RASEF: variants seen among roughly 807,000 people sequenced by gnomAD.
The protein encoded by RASEF is ras and EF-hand domain-containing protein.
RASEF carries 68 observed loss-of-function variants against 90.1 expected under a neutral mutation model. The observed-to-expected ratio is 0.75, with a 90% CI of 0.62 to 0.92. RASEF has a LOEUF of 0.92. Ranked by LOEUF, RASEF falls within the 40% of genes least tolerant of loss-of-function variation. The pLI, the probability that RASEF is intolerant of heterozygous loss-of-function variation, is 0.00. For synonymous variants in RASEF, 331 were observed against 345.2 expected, an observed-to-expected ratio of 0.96 and a Z score of 0.46; for missense variants, 949 against 937.2, an observed-to-expected ratio of 1.01 and a Z score of -0.16.
chr9:83,025,080 C>T (rs148122950), intron 2 of RASEF, among the ~76,000 whole-genome samples: 15 of 152,142 alleles, frequency 9.9e-5, no homozygotes, highest in African/African-American at 3.4e-4. Flanking sequence ...GACGTTTGGA[C>T]TGCAACACAT....
At chr9:83,052,473 G>A (rs1473549806) in intron 1 of RASEF, among the ~76,000 whole-genome samples, 20 of 78,004 alleles carry the variant, frequency 2.6e-4, no homozygotes, top group East Asian at 3.4e-4. Flanking sequence ...TATCAATTTT[G>A]TTGATCCTTT....
At chr9:83,022,778 T>C (rs1829466936) in intron 2 of RASEF, among the ~76,000 whole-genome samples, 1 of 152,218 alleles carries the variant, frequency 6.6e-6, no homozygotes, top group African/African-American at 2.4e-5. Flanking sequence ...AATAGCATAT[T>C]GCTCCTAGGC....
At chr9:83,177,023 C>T in the RASEF span, among the ~76,000 whole-genome samples, 1 of 152,064 alleles carries the variant, frequency 6.6e-6, no homozygotes, top group African/African-American at 2.4e-5. Context: ...TCCAATATGG[C>T]TTTATTCCCA....
At chr9:83,075,404 A>G in the RASEF span, among the ~76,000 whole-genome samples, 2 of 152,220 alleles carry the variant, frequency 1.3e-5, no homozygotes, top group Admixed American at 6.5e-5. Flanking sequence ...GAAAGTAGAC[A>G]GGGTTTATAC....
the RASEF span, among the ~76,000 whole-genome samples, chr9:83,218,066 T>G: frequency 6.6e-6 from 1 of 152,256 alleles, no homozygotes; most frequent in East Asian, 1.9e-4. Context: ...CCTGTGGAAC[T>G]ACAGTGACAG....
the RASEF span, among the ~76,000 whole-genome samples, chr9:83,189,587 A>G: frequency 6.6e-6 from 1 of 152,192 alleles, no homozygotes; most frequent in Non-Finnish European, 1.5e-5. Flanking sequence ...TCCCAATTCA[A>G]CATGGTGCCC....
chr9:83,126,085 C>T, the RASEF span, among the ~76,000 whole-genome samples: 1 of 152,118 alleles, frequency 6.6e-6, no homozygotes, highest in South Asian at 2.1e-4. Flanking sequence ...GCATTCATAT[C>T]CCTTGTTTCC....
At chr9:83,084,043 G>T in the RASEF span, among the ~76,000 whole-genome samples, 5 of 151,812 alleles carry the variant, frequency 3.3e-5, no homozygotes, top group African/African-American at 1.2e-4. Context: ...GGAATATTAC[G>T]CAAGCATCAA....
the RASEF span, among the ~76,000 whole-genome samples, chr9:83,190,534 G>T: frequency 6.6e-6 from 1 of 152,126 alleles, no homozygotes; most frequent in African/African-American, 2.4e-5. Context: ...TTTTACTTAT[G>T]ATTATGGATT....
chr9:83,101,814 C>G, the RASEF span, among the ~76,000 whole-genome samples: 1 of 152,088 alleles, frequency 6.6e-6, no homozygotes, highest in African/African-American at 2.4e-5. Context: ...AATATATAAC[C>G]TTGTTTTATG....
chr9:83,189,534 G>C, the RASEF span, among the ~76,000 whole-genome samples: 1 of 152,094 alleles, frequency 6.6e-6, no homozygotes, highest in Non-Finnish European at 1.5e-5. Flanking sequence ...GTCTCCACTG[G>C]GGACATCTAG....
chr9:83,199,770 A>G, the RASEF span, among the ~76,000 whole-genome samples: 2 of 152,180 alleles, frequency 1.3e-5, no homozygotes, highest in African/African-American at 4.8e-5. Flanking sequence ...GGCCAAGGAC[A>G]CAAATGCGTA....
the RASEF span, among the ~76,000 whole-genome samples, chr9:83,156,883 T>C: frequency 6.6e-6 from 1 of 152,226 alleles, no homozygotes; most frequent in African/African-American, 2.4e-5. Context: ...ATGTGTAAGA[T>C]GCATGGTGAT....
the RASEF span, among the ~76,000 whole-genome samples, chr9:83,150,898 G>A: frequency 1.2e-3 from 186 of 152,268 alleles, 1 homozygote; most frequent in African/African-American, 4.3e-3. Flanking sequence ...AAATCATCAT[G>A]AACTTAACTC....
chr9:83,159,010 G>A, the RASEF span, among the ~76,000 whole-genome samples: 1 of 147,124 alleles, frequency 6.8e-6, no homozygotes, highest in African/African-American at 2.5e-5. Context: ...CATGGTGAAA[G>A]CCAGTCTCTA....
At chr9:83,075,620 G>T in the RASEF span, among the ~76,000 whole-genome samples, 241 of 152,218 alleles carry the variant, frequency 1.6e-3, 1 homozygote, top group African/African-American at 5.6e-3. Flanking sequence ...CTATGAATTT[G>T]ATCTCAAAAC....
At chr9:83,026,355 G>A (rs574911621) in intron 1 of RASEF, among the ~76,000 whole-genome samples, 1 of 152,096 alleles carries the variant, frequency 6.6e-6, no homozygotes, top group Non-Finnish European at 1.5e-5. Flanking sequence ...AAATACCCAA[G>A]ACTGGGTAAT....
At chr9:82,998,221 A>C in intron 13 of RASEF, 144 bp downstream of exon 13, 1 of 525,438 alleles carries the variant, frequency 1.9e-6, no homozygotes, top group Admixed American at 3.1e-5. Flanking sequence ...GTTATAATAC[A>C]TTTTATAATT....
the RASEF span, among the ~76,000 whole-genome samples, chr9:83,114,441 G>T: frequency 6.6e-6 from 1 of 152,116 alleles, no homozygotes; most frequent in African/African-American, 2.4e-5. Flanking sequence ...TGGGCACCTT[G>T]AAAAAAGAAC....
Sources: gnomAD v4.1 joint callset for allele counts (sites outside exome capture counted in the v4.1 genomes callset) on GRCh38, gnomAD v4.1.1 for gene constraint, MANE v1.5 for transcripts, NCBI Gene and HGNC (gene_info 2026-07-23, HGNC 2026-07-21) for gene names.